Variants in IDE observed in about 807,000 individuals in gnomAD.
IDE encodes insulin degrading enzyme.
A neutral mutation model predicts 133.2 loss-of-function variants in IDE; 58 were observed. The ratio of observed to expected loss-of-function variants is 0.44; its 90% CI spans 0.35 to 0.54. The LOEUF (loss-of-function observed/expected upper bound fraction) is 0.54, where lower values mean the gene tolerates loss of function less well. Ranked by LOEUF, IDE falls within the 20% of genes least tolerant of loss-of-function variation. The pLI, the probability that IDE is intolerant of heterozygous loss-of-function variation, is 0.00. For missense variants in IDE, 981 were observed against 1,234.0 expected (o/e 0.79, Z 3.07); for synonymous variants, 396 against 421.3 (o/e 0.94, Z 0.73).
intron 15 of IDE, among the ~76,000 whole-genome samples, chr10:92,478,987 G>A (rs946977407): frequency 6.6e-6 from 1 of 152,002 alleles, no homozygotes; most frequent in African/African-American, 2.4e-5. Context: ...TACAGAATGG[G>A]TAAGAGCTAA....
At chr10:92,524,344 A>T (rs186816898) in intron 4 of IDE, among the ~76,000 whole-genome samples, 3 of 34,728 alleles carry the variant, frequency 8.6e-5, no homozygotes, top group Non-Finnish European at 1.5e-4. Flanking sequence ...ATATTATATT[A>T]TATATAATAT....
At chr10:92,468,652 A>G (rs1272512023) in intron 19 of IDE, among the ~76,000 whole-genome samples, 1 of 152,162 alleles carries the variant, frequency 6.6e-6, no homozygotes, top group Admixed American at 6.5e-5. Context: ...CGTCAATTCC[A>G]GTATCATTCT....
chr10:92,470,449 C>T (rs1845907169), intron 17 of IDE, 104 bp from the exon 18 acceptor site: 1 of 552,070 alleles, frequency 1.8e-6, no homozygotes, highest in Non-Finnish European at 3.2e-6. Context: ...ACACAGAGCT[C>T]CTGTAAACAC....
At chr10:92,465,075 T>C (rs1326655018) in intron 20 of IDE, among the ~76,000 whole-genome samples, 1 of 152,216 alleles carries the variant, frequency 6.6e-6, no homozygotes, top group Non-Finnish European at 1.5e-5. Context: ...GGAAGGACCA[T>C]CCAGAGCATC....
At chr10:92,533,456 T>A (rs1170563601) in intron 3 of IDE, among the ~76,000 whole-genome samples, 1 of 152,122 alleles carries the variant, frequency 6.6e-6, no homozygotes, top group Non-Finnish European at 1.5e-5. Flanking sequence ...TTCAATAATA[T>A]AATAACTATT....
At chr10:92,552,246 G>A (rs2135762626) in intron 1 of IDE, among the ~76,000 whole-genome samples, 1 of 152,226 alleles carries the variant, frequency 6.6e-6, no homozygotes, top group African/African-American at 2.4e-5. Flanking sequence ...TTTCTCACAG[G>A]TGAGCTAGCA....
chr10:92,453,526 A>G lies in IDE; in HGVS notation c.*918T>C, dbSNP rs561187437. On this transcript the variant is annotated 3_prime_UTR_variant, in exon 25 of 25. Transcript: ENST00000265986. ...AAAGGGGCAAGATATTTTGGTTCACATACTGACTGCAATTTCACTGTAATA... is the reference window on the plus strand; with the variant it reads ...AAAGGGGCAAGATATTTTGGTTCACGTACTGACTGCAATTTCACTGTAATA... 6.6e-6 allele frequency: 1 copy of G among 152,346 alleles called. No individual in the cohort carries two copies. Among genetic ancestry groups the G allele is most frequent in the East Asian group, 1.9e-4 (1 of 5,192 alleles). The allele number at this position is 152,346 out of a possible 1,614,324, so 9.4% of individuals were successfully genotyped here. A position where few individuals can be genotyped will look rare whatever the true frequency, so the allele number is the denominator to read the frequency against.
At chr10:92,485,223 G>A (rs1299774653) in intron 13 of IDE, among the ~76,000 whole-genome samples, 2 of 149,572 alleles carry the variant, frequency 1.3e-5, no homozygotes, top group African/African-American at 4.9e-5. Context: ...CACCTCCTGG[G>A]TTCAAGCGAT....
intron 4 of IDE, among the ~76,000 whole-genome samples, chr10:92,530,043 T>C (rs983864553): frequency 4.0e-5 from 6 of 151,626 alleles, no homozygotes; most frequent in Non-Finnish European, 7.4e-5. Flanking sequence ...CTGACCAACA[T>C]GGAGAAACCC....
At chr10:92,568,079 A>C (rs757153408) in intron 1 of IDE, among the ~76,000 whole-genome samples, 14 of 152,246 alleles carry the variant, frequency 9.2e-5, no homozygotes, top group Non-Finnish European at 2.1e-4. Context: ...CGCCATTCTT[A>C]CTAGCAGCAG....
intron 11 of IDE, among the ~76,000 whole-genome samples, chr10:92,502,654 C>T (rs528489280): frequency 6.6e-6 from 1 of 152,272 alleles, no homozygotes; most frequent in Admixed American, 6.5e-5. Context: ...CACTAAACTA[C>T]GTCAGGCATG....
intron 15 of IDE, chr10:92,478,618 CT>C: frequency 5.2e-6 from 6 of 1,149,386 alleles, no homozygotes; most frequent in East Asian, 7.0e-5. Flanking sequence ...GGGGTGGTGC[CT>C]TTTCTTTGGT....
At chr10:92,543,380 C>A (rs528417516) in intron 1 of IDE, among the ~76,000 whole-genome samples, 2 of 152,278 alleles carry the variant, frequency 1.3e-5, no homozygotes, top group African/African-American at 4.8e-5. Context: ...AGACCATATA[C>A]CCCAAGTACT....
At chr10:92,535,473 G>T (rs184453685) in intron 2 of IDE, among the ~76,000 whole-genome samples, 1 of 122,758 alleles carries the variant, frequency 8.1e-6, no homozygotes, top group Non-Finnish European at 1.8e-5. Flanking sequence ...GCATGCGTTT[G>T]GGGGTTACCA....
At chr10:92,531,296 G>C (rs994455336) in intron 4 of IDE, among the ~76,000 whole-genome samples, 1 of 152,130 alleles carries the variant, frequency 6.6e-6, no homozygotes, top group African/African-American at 2.4e-5. Context: ...CACTTTAAGA[G>C]CTGGGATCTT....
intron 4 of IDE, among the ~76,000 whole-genome samples, chr10:92,527,720 T>C (rs1181204572): frequency 3.3e-5 from 5 of 152,198 alleles, no homozygotes; most frequent in African/African-American, 1.2e-4. Context: ...TAATTGATTA[T>C]TGATACAAGA....
intron 1 of IDE, among the ~76,000 whole-genome samples, chr10:92,557,574 G>A (rs566766304): frequency 1.3e-5 from 2 of 151,872 alleles, no homozygotes; most frequent in Admixed American, 6.6e-5. Flanking sequence ...AAAGCTCAGA[G>A]TTAAACCCTC....
At chr10:92,499,434 C>T (rs930039049) in intron 11 of IDE, among the ~76,000 whole-genome samples, 20 of 151,698 alleles carry the variant, frequency 1.3e-4, no homozygotes, top group African/African-American at 2.9e-4. Context: ...CATGAGCCAC[C>T]GCACCCAGCC....
intron 1 of IDE, among the ~76,000 whole-genome samples, chr10:92,550,038 C>T (rs1842706786): frequency 1.3e-5 from 2 of 152,050 alleles, no homozygotes; most frequent in Non-Finnish European, 2.9e-5. Context: ...CATGGTGGCG[C>T]ATACCTGCAA....
Sources: gnomAD v4.1 joint callset for allele counts (sites outside exome capture counted in the v4.1 genomes callset) on GRCh38, gnomAD v4.1.1 for gene constraint, MANE v1.5 for transcripts, NCBI Gene and HGNC (gene_info 2026-07-23, HGNC 2026-07-21) for gene names.